The following CNBD1 variants were observed in gnomAD, a reference collection of about 807,000 sequenced individuals.
CNBD1 encodes cyclic nucleotide binding domain containing 1.
Under a neutral mutation model 54.4 loss-of-function variants are expected in CNBD1, and 71 were observed. That is an observed-to-expected ratio of 1.30 (90% CI 1.08 to 1.59). CNBD1 has a LOEUF of 1.59. CNBD1 is among the 40% of genes most tolerant of loss of function. The probability of loss-of-function intolerance (pLI) is 0.00; values close to 1 mark genes in which losing one functional copy is unlikely to be tolerated. For missense variants in CNBD1, 659 were observed against 518.0 expected, an observed-to-expected ratio of 1.27 and a Z score of -2.64; for synonymous variants, 182 against 170.7, an observed-to-expected ratio of 1.07 and a Z score of -0.51.
At chr8:87,377,658 G>C (rs1049099027) in intron 10 of CNBD1, among the ~76,000 whole-genome samples, 2 of 148,570 alleles carry the variant, frequency 1.3e-5, no homozygotes, top group Non-Finnish European at 3.0e-5. Flanking sequence ...AGTCCTTTGG[G>C]TATATACCCA....
At chr8:87,073,870 G>A (rs1032511441) in intron 4 of CNBD1, among the ~76,000 whole-genome samples, 15 of 152,078 alleles carry the variant, frequency 9.9e-5, no homozygotes, top group Non-Finnish European at 1.5e-5. Flanking sequence ...GGGAGGCTGA[G>A]GTGGGCAGAT....
intron 4 of CNBD1, among the ~76,000 whole-genome samples, chr8:87,116,116 C>T (rs373207367): frequency 6.6e-6 from 1 of 151,744 alleles, no homozygotes; most frequent in East Asian, 1.9e-4. Context: ...TCTATTAAAC[C>T]TACAAATTTT....
At chr8:87,371,337 A>G (rs1157381264) in intron 10 of CNBD1, among the ~76,000 whole-genome samples, 3 of 151,824 alleles carry the variant, frequency 2.0e-5, no homozygotes, top group African/African-American at 7.3e-5. Flanking sequence ...CATTTTCATG[A>G]TATTGATTCT....
At chr8:87,304,993 G>T (rs1275629036) in intron 8 of CNBD1, among the ~76,000 whole-genome samples, 1 of 152,024 alleles carries the variant, frequency 6.6e-6, no homozygotes, top group African/African-American at 2.4e-5. Context: ...CAAGATGATT[G>T]TTTACCTTGA....
intron 6 of CNBD1, among the ~76,000 whole-genome samples, chr8:87,275,529 AT>A (rs35696258): frequency 0.32 from 48,625 of 151,660 alleles, 8,524 homozygotes; most frequent in Non-Finnish European, 0.4. Context: ...ACAACACTTC[AT>A]GCTAAAAACT....
rs193132881 is a variant in CNBD1, at chr8:87,280,540, A to T, written c.772-4138A>T. Among the ~76,000 whole-genome samples the T allele has an allele frequency of 2.0e-5, 3 of 151,688 alleles. No homozygotes were observed. The Admixed American group carries it at 2.0e-4, about 10-fold the overall frequency. On this transcript the variant is annotated intron_variant, in intron 6 of 10. Transcript: ENST00000518476. Reference sequence around the variant, plus strand: ...AAAAAACATGTTGTGCAAAGTTTAGAGCAAGCTACTATTTAAAAATAGTAG... The same window carrying T: ...AAAAAACATGTTGTGCAAAGTTTAGTGCAAGCTACTATTTAAAAATAGTAG...
chr8:87,386,627 C>T (rs766454582), downstream of CNBD1, among the ~76,000 whole-genome samples: 28 of 152,154 alleles, frequency 1.8e-4, no homozygotes, highest in Non-Finnish European at 3.8e-4. Context: ...AAATCTACAT[C>T]TGATTGCTGT....
intron 6 of CNBD1, among the ~76,000 whole-genome samples, chr8:87,265,197 C>T (rs1563529913): frequency 1.3e-5 from 2 of 152,190 alleles, no homozygotes; most frequent in African/African-American, 4.8e-5. Flanking sequence ...AGGAAGGGAT[C>T]CAGTTTCAGC....
intron 10 of CNBD1, among the ~76,000 whole-genome samples, chr8:87,379,475 TG>T (rs1224924714): frequency 6.6e-6 from 1 of 151,810 alleles, no homozygotes; most frequent in Admixed American, 6.6e-5. Flanking sequence ...GACCACATAC[TG>T]GGAAGTAAAG....
chr8:87,385,509 C>G (rs1307271549), downstream of CNBD1, among the ~76,000 whole-genome samples: 1 of 152,086 alleles, frequency 6.6e-6, no homozygotes, highest in Non-Finnish European at 1.5e-5. Flanking sequence ...CCCACGGATC[C>G]TTGCTCATTG....
At chr8:87,292,376 A>G (rs1006590880) in intron 8 of CNBD1, among the ~76,000 whole-genome samples, 1 of 152,216 alleles carries the variant, frequency 6.6e-6, no homozygotes, top group Non-Finnish European at 1.5e-5. Context: ...TCTTCAGTGA[A>G]TCACCAAGAG....
chr8:87,084,554 G>A (rs924735476), intron 4 of CNBD1, among the ~76,000 whole-genome samples: 3 of 151,908 alleles, frequency 2.0e-5, no homozygotes, highest in Admixed American at 2.0e-4. Context: ...TTACTGTATT[G>A]TATGTAAAAT....
chr8:87,339,124 T>C (rs1326082950), intron 8 of CNBD1, among the ~76,000 whole-genome samples: 2 of 128,978 alleles, frequency 1.6e-5, no homozygotes, highest in African/African-American at 5.5e-5. Flanking sequence ...CCATTTCTCT[T>C]GAGAGAAGAT....
At chr8:87,352,478 C>A (rs904928477) in intron 9 of CNBD1, among the ~76,000 whole-genome samples, 382 of 107,266 alleles carry the variant, frequency 3.6e-3, no homozygotes, top group South Asian at 5.9e-3. Context: ...GACTCTGTCT[C>A]AAAAAAAAAA....
At chr8:86,903,047 A>G (rs1216916927) in intron 2 of CNBD1, among the ~76,000 whole-genome samples, 87 of 152,134 alleles carry the variant, frequency 5.7e-4, no homozygotes, top group Non-Finnish European at 1.5e-5. Flanking sequence ...TTATAGCATT[A>G]CAGGCCATTT....
chr8:86,918,516 T>C (rs1175926065), intron 3 of CNBD1, among the ~76,000 whole-genome samples: 3 of 152,036 alleles, frequency 2.0e-5, no homozygotes, highest in East Asian at 3.9e-4. Flanking sequence ...TGGGAGATTA[T>C]TGAATCATGG....
chr8:86,962,254 T>C (rs983883293), intron 4 of CNBD1, among the ~76,000 whole-genome samples: 7 of 152,142 alleles, frequency 4.6e-5, no homozygotes, highest in African/African-American at 2.4e-5. Flanking sequence ...AAAACCTTTT[T>C]CCAGAAAAAG....
rs145131096 is a variant in CNBD1, at chr8:87,351,457, C to T, written c.1043-228C>T. 7.0e-4 allele frequency among the ~76,000 whole-genome samples: 107 copies of T among 152,220 alleles called. 2 individuals carry two copies. The East Asian group carries it at 8.7e-3, about 12-fold the overall frequency. On this transcript the variant is annotated intron_variant, in intron 8 of 10. Transcript: ENST00000518476. ...TACTAGCATATCAGTGCCTTTACTG[C>T]CAAAGTCTTGTCAGTGTTTGCAATA... is the stretch of plus-strand genomic sequence containing the variant.
chr8:87,219,162 GATAACTGTCTTAA>G (rs1352980705), intron 5 of CNBD1, among the ~76,000 whole-genome samples: 2 of 152,066 alleles, frequency 1.3e-5, no homozygotes, highest in East Asian at 3.9e-4. Context: ...TGTGTCATTT[GATAACTGTCTTAA>G]ATATCTAAAT....
Sources: allele counts gnomAD v4.1 joint callset (sites outside exome capture counted in the v4.1 genomes callset), GRCh38; gene constraint gnomAD v4.1.1; transcripts MANE v1.5; gene names NCBI Gene and HGNC (gene_info 2026-07-23, HGNC 2026-07-21).